Variants in PTPRZ1 observed in about 807,000 individuals in gnomAD.
PTPRZ1 encodes protein tyrosine phosphatase receptor type Z1.
Under a neutral mutation model 214.1 loss-of-function variants are expected in PTPRZ1, and 82 were observed. The observed-to-expected ratio is 0.38, with a 90% CI of 0.32 to 0.46. The LOEUF (loss-of-function observed/expected upper bound fraction) is 0.46. Ranked by LOEUF, PTPRZ1 falls within the 20% of genes least tolerant of loss-of-function variation. The pLI, the probability that PTPRZ1 is intolerant of heterozygous loss-of-function variation, is 1.00. For synonymous variants in PTPRZ1, 945 were observed against 987.9 expected (o/e 0.96, Z 0.81); for missense variants, 2,603 against 2,748.7 (o/e 0.95, Z 1.19).
rs1002039043 is a variant in PTPRZ1 at position 121,968,250 on chromosome 7, A to G, written c.304+120A>G. 5.0e-6 allele frequency: 4 copies of G among 792,650 alleles called. No homozygotes were observed. In the African/African-American group the frequency reaches 7.3e-5, roughly 14 times the overall value. 49.1% of individuals were successfully genotyped at this position (792,650 alleles called of 1,614,324 possible). A position where few individuals can be genotyped will look rare whatever the true frequency, so the allele number is the denominator to read the frequency against. On this transcript the variant is annotated intron_variant, in intron 3 of 29. Coordinates refer to ENST00000393386, the MANE Select transcript of PTPRZ1 (RefSeq NM_002851.3). ...TATGAACTAGATAGAAGTTACATGT[A>G]GAAGAAACCAAATGGAGCAGAGAAA... is the stretch of plus-strand genomic sequence containing the variant.
chr7:121,903,849 A>G (rs1254980885), intron 1 of PTPRZ1, among the ~76,000 whole-genome samples: 1 of 152,158 alleles, frequency 6.6e-6, no homozygotes, highest in Admixed American at 6.6e-5. Context: ...CATAGTATAC[A>G]TTCTCTAAAT....
chr7:121,893,845 A>G (rs1167736349), intron 1 of PTPRZ1, among the ~76,000 whole-genome samples: 2 of 151,304 alleles, frequency 1.3e-5, no homozygotes, highest in Non-Finnish European at 2.9e-5. Context: ...TAGTATTTTA[A>G]TTATCTTGTA....
intron 1 of PTPRZ1, among the ~76,000 whole-genome samples, chr7:121,920,440 T>C (rs1347064636): frequency 1.3e-5 from 2 of 152,208 alleles, no homozygotes; most frequent in Non-Finnish European, 2.9e-5. Context: ...GATTGGGTTT[T>C]CTTCTCACTT....
chr7:122,053,020 A>G (rs1469796857), intron 25 of PTPRZ1, among the ~76,000 whole-genome samples: 1 of 152,194 alleles, frequency 6.6e-6, no homozygotes, highest in African/African-American at 2.4e-5. Context: ...CATGGGTTCC[A>G]TTGAGCAGTC....
At chr7:121,981,663 C>G (rs1797616500) in intron 6 of PTPRZ1, among the ~76,000 whole-genome samples, 1 of 152,178 alleles carries the variant, frequency 6.6e-6, no homozygotes, top group African/African-American at 2.4e-5. Flanking sequence ...TGGATTGTTT[C>G]AGGGTTTGAA....
intron 1 of PTPRZ1, among the ~76,000 whole-genome samples, chr7:121,893,044 C>T (rs1285310815): frequency 1.3e-5 from 2 of 151,880 alleles, no homozygotes; most frequent in Non-Finnish European, 2.9e-5. Context: ...CATTTTTCTA[C>T]ATGCACATAT....
chr7:121,928,381 C>A (rs192717051), intron 2 of PTPRZ1, among the ~76,000 whole-genome samples, 160 bp downstream of exon 2: 245 of 152,230 alleles, frequency 1.6e-3, no homozygotes, highest in Non-Finnish European at 1.2e-3. Flanking sequence ...AAAACGATAT[C>A]TTATGGGCTT....
intron 2 of PTPRZ1, among the ~76,000 whole-genome samples, chr7:121,933,494 G>T (rs2116392563): frequency 6.6e-6 from 1 of 152,062 alleles, no homozygotes. Context: ...TTTAGTTAAA[G>T]AATGCATTCG....
At chr7:122,038,947 A>C (rs1349334167) in intron 19 of PTPRZ1, 58 bp downstream of exon 19, 5 of 1,579,782 alleles carry the variant, frequency 3.2e-6, no homozygotes, top group Non-Finnish European at 4.3e-6. Flanking sequence ...ACTTTAAATT[A>C]GTTTTAATAG....
chr7:122,038,509 C>CTTTTTTTTTTTTTTTTTTTTTTTTTTTT (rs140553499), intron 18 of PTPRZ1, among the ~76,000 whole-genome samples: 1 of 106,304 alleles, frequency 9.4e-6, no homozygotes, highest in Non-Finnish European at 1.9e-5. Context: ...GAGAGCTATT[C>CTTTTTTTTTTTTTTTTTTTTTTTTTTTT]TTTTTTTTTT....
chr7:121,948,713 T>C (rs1796461603), intron 2 of PTPRZ1, among the ~76,000 whole-genome samples: 1 of 151,142 alleles, frequency 6.6e-6, no homozygotes, highest in Non-Finnish European at 1.5e-5. Flanking sequence ...ATTATTTTGT[T>C]ATTTAAACCT....
At chr7:121,907,700 A>T (rs1369078170) in intron 1 of PTPRZ1, among the ~76,000 whole-genome samples, 1 of 151,980 alleles carries the variant, frequency 6.6e-6, no homozygotes, top group African/African-American at 2.4e-5. Flanking sequence ...TATATTTAGG[A>T]TCTAATTTAT....
At chr7:121,989,023 GA>G (rs1247415960) in intron 8 of PTPRZ1, among the ~76,000 whole-genome samples, 1 of 152,054 alleles carries the variant, frequency 6.6e-6, no homozygotes, top group Non-Finnish European at 1.5e-5. Context: ...CTCTGTGACT[GA>G]AAAAAATAGC....
chr7:121,952,083 C>G (rs958728501), intron 2 of PTPRZ1, among the ~76,000 whole-genome samples: 1 of 151,908 alleles, frequency 6.6e-6, no homozygotes, highest in Non-Finnish European at 1.5e-5. Flanking sequence ...CTCAGCCTCC[C>G]GAGTAGCTGG....
intron 1 of PTPRZ1, among the ~76,000 whole-genome samples, chr7:121,924,008 T>C (rs1240509808): frequency 6.6e-6 from 1 of 152,042 alleles, no homozygotes; most frequent in African/African-American, 2.4e-5. Context: ...TCATGAAGAA[T>C]ATTTTTGGGA....
At chr7:122,060,943 G>C (rs1279409173) in intron 29 of PTPRZ1, 137 bp from the exon 30 acceptor site, 17 of 674,022 alleles carry the variant, frequency 2.5e-5, no homozygotes, top group Admixed American at 4.0e-5. Flanking sequence ...GTGTGCATCT[G>C]CTGAGTATAA....
chr7:121,954,242 A>G (rs1796642069), intron 2 of PTPRZ1, among the ~76,000 whole-genome samples: 1 of 152,180 alleles, frequency 6.6e-6, no homozygotes, highest in African/African-American at 2.4e-5. Context: ...TGACCGTGAC[A>G]CTTGCATCTT....
rs191804858 is a variant in PTPRZ1 at position 122,049,343 on chromosome 7, A to G, written c.6085-2085A>G. ...ATTATTCTGGAAATAGAATTAAACT[A>G]GATAGATGTATAAAGGTAGAAAAGG... On this transcript the variant is annotated intron_variant, in intron 23 of 29. Transcript: ENST00000393386. Among the ~76,000 whole-genome samples the G allele has an allele frequency of 2.8e-4, 42 of 152,210 alleles. No homozygotes were observed. In the East Asian group the frequency reaches 8.1e-3, roughly 29 times the overall value.
intron 13 of PTPRZ1, among the ~76,000 whole-genome samples, chr7:122,023,749 A>T (rs1308210659): frequency 2.2e-5 from 3 of 135,994 alleles, no homozygotes; most frequent in Non-Finnish European, 3.1e-5. Context: ...ATATATAATT[A>T]TATATATAAT....
Sources: gnomAD v4.1 joint callset for allele counts (sites outside exome capture counted in the v4.1 genomes callset) on GRCh38, gnomAD v4.1.1 for gene constraint, MANE v1.5 for transcripts, NCBI Gene and HGNC (gene_info 2026-07-23, HGNC 2026-07-21) for gene names.